GNAQ: variants seen among roughly 807,000 people sequenced by gnomAD.
GNAQ encodes the protein G protein subunit alpha q.
Under a neutral mutation model 43.9 loss-of-function variants are expected in GNAQ, and 8 were observed. That is an observed-to-expected ratio of 0.18 (90% CI 0.11 to 0.33). The LOEUF (loss-of-function observed/expected upper bound fraction) is 0.33, where lower values mean the gene tolerates loss of function less well. Ranked by LOEUF, GNAQ falls within the 10% of genes least tolerant of loss-of-function variation. The probability of loss-of-function intolerance (pLI) is 1.00; values close to 1 mark genes in which losing one functional copy is unlikely to be tolerated. For missense variants in GNAQ, 158 were observed against 450.8 expected (o/e 0.35, Z 5.88); for synonymous variants, 155 against 170.7 (o/e 0.91, Z 0.71).
At chr9:77,895,778 T>A (rs1440627636) in intron 2 of GNAQ, among the ~76,000 whole-genome samples, 1 of 152,142 alleles carries the variant, frequency 6.6e-6, no homozygotes, top group Non-Finnish European at 1.5e-5. Flanking sequence ...TGAGGATGGA[T>A]CTTTCCGGTG....
chr9:77,999,524 T>C (rs1353929082), intron 1 of GNAQ, among the ~76,000 whole-genome samples: 1 of 152,190 alleles, frequency 6.6e-6, no homozygotes, highest in African/African-American at 2.4e-5. Context: ...AAAGATTACA[T>C]AATGCCGATC....
chr9:78,005,618 G>A (rs1021017803), intron 1 of GNAQ, among the ~76,000 whole-genome samples: 1 of 152,206 alleles, frequency 6.6e-6, no homozygotes, highest in African/African-American at 2.4e-5. Context: ...ATAGTGATCT[G>A]TTTTCAAGGA....
At chr9:77,938,953 G>A (rs974028209) in intron 1 of GNAQ, among the ~76,000 whole-genome samples, 4 of 152,244 alleles carry the variant, frequency 2.6e-5, no homozygotes, top group African/African-American at 4.8e-5. Context: ...GAACTAGGCA[G>A]ATGGGACTGA....
At chr9:77,959,253 T>A (rs1823078540) in intron 1 of GNAQ, among the ~76,000 whole-genome samples, 1 of 152,220 alleles carries the variant, frequency 6.6e-6, no homozygotes, top group African/African-American at 2.4e-5. Context: ...TCTTGCTTCA[T>A]TTACATATCC....
chr9:77,761,089 G>A (rs544811876), intron 5 of GNAQ, among the ~76,000 whole-genome samples: 10 of 151,862 alleles, frequency 6.6e-5, no homozygotes, highest in East Asian at 5.9e-4. Context: ...GTCTCTGCCC[G>A]GCAGCCGCCC....
chr9:77,887,807 C>T (rs1298241329), intron 2 of GNAQ, among the ~76,000 whole-genome samples: 6 of 152,212 alleles, frequency 3.9e-5, no homozygotes, highest in African/African-American at 2.4e-5. Context: ...CATATACACA[C>T]ACACTATTAT....
intron 1 of GNAQ, among the ~76,000 whole-genome samples, chr9:77,942,994 A>G (rs1829336236): frequency 2.0e-5 from 3 of 152,204 alleles, no homozygotes; most frequent in African/African-American, 7.2e-5. Flanking sequence ...TCTGGTTTTC[A>G]TTTATCATTA....
intron 3 of GNAQ, among the ~76,000 whole-genome samples, chr9:77,805,828 G>C (rs553843565): frequency 1.3e-5 from 2 of 152,134 alleles, no homozygotes; most frequent in Non-Finnish European, 2.9e-5. Flanking sequence ...TAAAAGAGAA[G>C]GCTTCGAAAT....
intron 1 of GNAQ, among the ~76,000 whole-genome samples, chr9:77,931,507 C>A (rs1033702867): frequency 2.6e-5 from 4 of 151,768 alleles, no homozygotes; most frequent in Non-Finnish European, 4.4e-5. Flanking sequence ...AGGAGGATGG[C>A]GTGAGCCCCG....
chr9:77,798,666 T>C (rs1017339286), intron 3 of GNAQ, among the ~76,000 whole-genome samples: 4 of 152,192 alleles, frequency 2.6e-5, no homozygotes, highest in African/African-American at 7.2e-5. Flanking sequence ...AATGTATGCA[T>C]AGTCCTCTCC....
At chr9:77,885,287 G>A (rs115786064) in intron 2 of GNAQ, among the ~76,000 whole-genome samples, 1,646 of 152,242 alleles carry the variant, frequency 0.011, 21 homozygotes, top group African/African-American at 0.037. Context: ...TCAAGGAGCC[G>A]GGGAAGGCTG....
chr9:77,937,086 AT>A (rs1334572907), intron 1 of GNAQ, among the ~76,000 whole-genome samples: 3 of 152,156 alleles, frequency 2.0e-5, no homozygotes, highest in African/African-American at 4.8e-5. Flanking sequence ...CAGGTAATTA[AT>A]TTTTTTCTAA....
chr9:77,777,232 C>T (rs1170276147), intron 5 of GNAQ, among the ~76,000 whole-genome samples: 1 of 152,052 alleles, frequency 6.6e-6, no homozygotes, highest in Non-Finnish European at 1.5e-5. Context: ...ATGGTCCTAA[C>T]TTACAATGGT....
chr9:77,817,278 T>G (rs974093292), intron 2 of GNAQ, among the ~76,000 whole-genome samples: 1 of 152,212 alleles, frequency 6.6e-6, no homozygotes, highest in African/African-American at 2.4e-5. Context: ...ATTTGTTGTC[T>G]TTCTCTCTAA....
chr9:77,883,856 C>T (rs1459653782), intron 2 of GNAQ, among the ~76,000 whole-genome samples: 1 of 152,146 alleles, frequency 6.6e-6, no homozygotes, highest in African/African-American at 2.4e-5. Context: ...TGTTCATTGC[C>T]CACCAAAGTA....
chr9:77,731,797 A>T (rs1293729059), intron 5 of GNAQ, among the ~76,000 whole-genome samples: 2 of 152,226 alleles, frequency 1.3e-5, no homozygotes, highest in African/African-American at 4.8e-5. Context: ...AGCCCAGGAC[A>T]ACAAGGGAGG....
At chr9:77,997,397 TG>T (rs1823583004) in intron 1 of GNAQ, among the ~76,000 whole-genome samples, 1 of 152,222 alleles carries the variant, frequency 6.6e-6, no homozygotes, top group African/African-American at 2.4e-5. Context: ...ACTGCCGCTC[TG>T]TGACCTCCAG....
At chr9:77,774,907 A>G (rs1052090246) in intron 5 of GNAQ, among the ~76,000 whole-genome samples, 1 of 152,274 alleles carries the variant, frequency 6.6e-6, no homozygotes, top group African/African-American at 2.4e-5. Flanking sequence ...ACATAAAAAC[A>G]AAATGACCTT....
intron 6 of GNAQ, among the ~76,000 whole-genome samples, chr9:77,724,039 C>T (rs1466409760): frequency 3.3e-5 from 5 of 151,766 alleles, no homozygotes; most frequent in African/African-American, 9.7e-5. Flanking sequence ...TAATAGGTAC[C>T]GATAGATATA....
Sources: gnomAD v4.1 joint callset for allele counts (sites outside exome capture counted in the v4.1 genomes callset) on GRCh38, gnomAD v4.1.1 for gene constraint, MANE v1.5 for transcripts, NCBI Gene and HGNC (gene_info 2026-07-23, HGNC 2026-07-21) for gene names.